The following ASH1L variants were observed in gnomAD, a reference collection of about 807,000 sequenced individuals.
The protein encoded by ASH1L is ASH1 like histone lysine methyltransferase, also known as histone-lysine N-methyltransferase ASH1L.
ASH1L carries 23 observed loss-of-function variants against 269.0 expected under a neutral mutation model. That is an observed-to-expected ratio of 0.09 (90% CI 0.06 to 0.12). The LOEUF is 0.12. Among genes scored for constraint, ASH1L ranks in the 10% least tolerant of loss-of-function variants. The probability of loss-of-function intolerance (pLI) is 1.00; values close to 1 mark genes in which losing one functional copy is unlikely to be tolerated. For synonymous variants in ASH1L, 1,187 were observed against 1,253.5 expected, an observed-to-expected ratio of 0.95 and a Z score of 1.12; for missense variants, 2,912 against 3,567.8, an observed-to-expected ratio of 0.82 and a Z score of 4.68.
chr1:155,507,445 C>T (rs987569929), intron 2 of ASH1L, among the ~76,000 whole-genome samples: 20 of 152,118 alleles, frequency 1.3e-4, no homozygotes, highest in African/African-American at 4.8e-4. Flanking sequence ...TCATTGTGCT[C>T]ATGAAATCCA....
intron 2 of ASH1L, among the ~76,000 whole-genome samples, chr1:155,490,125 C>G (rs1039457330): frequency 6.6e-6 from 1 of 151,776 alleles, no homozygotes; most frequent in Non-Finnish European, 1.5e-5. Flanking sequence ...CCACCATGCC[C>G]GGCTGATTTT....
At chr1:155,367,717 T>C (rs1655563784) in intron 12 of ASH1L, among the ~76,000 whole-genome samples, 1 of 152,216 alleles carries the variant, frequency 6.6e-6, no homozygotes, top group Non-Finnish European at 1.5e-5. Context: ...ATATGATTTT[T>C]TGTCTTTAGT....
Position 155,481,218 on chromosome 1 carries a change from C to T in ASH1L, c.1652G>A (p.Gly551Glu), listed in dbSNP as rs747542460. Residue 551 changes from glycine (G) to glutamate (E), a missense_variant, in exon 3 of 28, where the codon GGA becomes GAA. By Grantham distance (98) the Gly-to-Glu change is moderately conservative (BLOSUM62 -2). Around this residue, in one of 13 missense-constraint regions of ASH1L, gnomAD observed 715 missense variants for 721.0 expected, o/e 0.99. Coordinates refer to ENST00000392403, the MANE Select transcript of ASH1L (RefSeq NM_018489.3). ...STAKSPFSAV[G>E]ESNLPSPSPT... Reference sequence around the variant, plus strand: ...TGATGGGGAAGGGAGATTGCTTTCTCCTACTGCACTGAATGGGGATTTAGC... The same window carrying T: ...TGATGGGGAAGGGAGATTGCTTTCTTCTACTGCACTGAATGGGGATTTAGC... 39 of 1,613,936 alleles carry T rather than the reference C, an allele frequency of 2.4e-5. No individual in the cohort carries two copies. Among genetic ancestry groups the T allele is most frequent in the Non-Finnish European group, 5.9e-6 (7 of 1,180,012 alleles).
At chr1:155,426,314 C>T (rs1361179473) in intron 5 of ASH1L, among the ~76,000 whole-genome samples, 2 of 152,100 alleles carry the variant, frequency 1.3e-5, no homozygotes, top group Non-Finnish European at 2.9e-5. Flanking sequence ...AAGCAATCCA[C>T]CTGCCTTGGC....
intron 5 of ASH1L, chr1:155,433,524 G>A (rs1399983531): frequency 6.2e-7 from 1 of 1,609,850 alleles, no homozygotes. Flanking sequence ...CTGGAGCCCT[G>A]CACCGTCCCC....
At position 155,546,476 on chromosome 1, in the gene ASH1L, C is replaced by G. The variant is rs936880654; in HGVS notation, c.-100+15677G>C. Among the ~76,000 whole-genome samples the G allele has an allele frequency of 3.3e-5, 5 of 152,102 alleles. No homozygotes were observed. The East Asian group carries it at 5.8e-4, about 18-fold the overall frequency. On this transcript the variant is annotated intron_variant, in intron 1 of 27. Coordinates refer to ENST00000392403, the MANE Select transcript of ASH1L (RefSeq NM_018489.3). ...GTTTATTTCCACTTTTAAGAGCACT[C>G]TGGGTTGGGCGCGGTGGCTCATGCC...
At chr1:155,454,452 C>T (rs1020826894) in intron 4 of ASH1L, among the ~76,000 whole-genome samples, 2 of 152,156 alleles carry the variant, frequency 1.3e-5, no homozygotes, top group African/African-American at 2.4e-5. Context: ...TCCATCATTT[C>T]AGCATTCGGT....
At chr1:155,458,757 C>CAACCAACCA (rs1156238475) in intron 4 of ASH1L, among the ~76,000 whole-genome samples, 1 of 151,908 alleles carries the variant, frequency 6.6e-6, no homozygotes, top group African/African-American at 2.4e-5. Flanking sequence ...ACCAACCAAC[C>CAACCAACCA]GTCTTTAGTC....
At chr1:155,398,239 G>A (rs1168181302) in intron 6 of ASH1L, among the ~76,000 whole-genome samples, 1 of 152,182 alleles carries the variant, frequency 6.6e-6, no homozygotes, top group African/African-American at 2.4e-5. Context: ...CTTAATAGAT[G>A]TAATAAATGT....
Position 155,370,484 on chromosome 1 carries a change from A to C in ASH1L, c.6686+20T>G. On this transcript the variant is annotated intron_variant, in intron 12 of 27. Coordinates refer to ENST00000392403, the MANE Select transcript of ASH1L (RefSeq NM_018489.3). ...CTTATTCTGCTGGATTCTTGTCTTC[A>C]CCTTCTTTTGCTTCCTTACCATTTC... is the stretch of plus-strand genomic sequence containing the variant. 6.2e-7 allele frequency: 1 copy of C among 1,612,806 alleles called. No homozygotes were observed. The highest frequency in any genetic ancestry group is 8.5e-7 in the Non-Finnish European group (1 of 1,179,966).
At chr1:155,424,411 G>GTT (rs771747816) in intron 5 of ASH1L, among the ~76,000 whole-genome samples, 9 of 145,826 alleles carry the variant, frequency 6.2e-5, no homozygotes, top group Non-Finnish European at 1.1e-4. Flanking sequence ...ATGTATTACA[G>GTT]TTTTTTTTTT....
At chr1:155,382,730 CT>C (rs1244087562) in intron 7 of ASH1L, among the ~76,000 whole-genome samples, 146 of 145,028 alleles carry the variant, frequency 1.0e-3, no homozygotes, top group Middle Eastern at 3.6e-3. Context: ...TGTCTTAGCT[CT>C]TTTTTTTTTT....
chr1:155,535,497 T>C (rs1273392280), intron 1 of ASH1L, among the ~76,000 whole-genome samples: 1 of 152,068 alleles, frequency 6.6e-6, no homozygotes, highest in Non-Finnish European at 1.5e-5. Flanking sequence ...AAACCAGTTA[T>C]AGGCTGGGTG....
intron 27 of ASH1L, 37 bp from the exon 28 acceptor site, chr1:155,337,788 A>G (rs745379343): frequency 5.2e-6 from 8 of 1,546,042 alleles, no homozygotes; most frequent in South Asian, 3.3e-5. Flanking sequence ...CAAAATACCA[A>G]TCTCCTACTC....
intron 4 of ASH1L, among the ~76,000 whole-genome samples, chr1:155,454,683 G>C (rs1044518516): frequency 1.3e-5 from 2 of 152,122 alleles, no homozygotes; most frequent in African/African-American, 4.8e-5. Flanking sequence ...CAGGAGAATC[G>C]CATGAACCTG....
intron 2 of ASH1L, among the ~76,000 whole-genome samples, chr1:155,514,609 G>A (rs1026033737): frequency 2.0e-5 from 3 of 151,926 alleles, no homozygotes; most frequent in Admixed American, 1.3e-4. Context: ...AAATTCAAGC[G>A]ATCTTCTTAT....
At chr1:155,517,716 G>C (rs1291850030) in intron 2 of ASH1L, among the ~76,000 whole-genome samples, 2 of 146,738 alleles carry the variant, frequency 1.4e-5, no homozygotes, top group Non-Finnish European at 3.0e-5. Context: ...GGTACTTGCA[G>C]AAAGACAGAC....
chr1:155,548,201 G>C (rs778115361), intron 1 of ASH1L, among the ~76,000 whole-genome samples: 4 of 152,124 alleles, frequency 2.6e-5, no homozygotes, highest in Admixed American at 2.6e-4. Context: ...ACCTGAGGAC[G>C]AGTAACTAAC....
chr1:155,451,863 G>T (rs1179772805), intron 4 of ASH1L, among the ~76,000 whole-genome samples: 1 of 152,064 alleles, frequency 6.6e-6, no homozygotes, highest in Non-Finnish European at 1.5e-5. Flanking sequence ...TGGGACTACA[G>T]GCATGTGTCA....
Sources: gnomAD v4.1 joint callset for allele counts (sites outside exome capture counted in the v4.1 genomes callset) on GRCh38, gnomAD v4.1.1 for gene constraint, gnomAD v4.1.1 regional missense constraint, MANE v1.5 for transcripts, NCBI Gene and HGNC (gene_info 2026-07-23, HGNC 2026-07-21) for gene names.